FKBP6: variants seen among roughly 807,000 people sequenced by gnomAD.
The protein encoded by FKBP6 is inactive peptidyl-prolyl cis-trans isomerase FKBP6.
FKBP6 carries 29 observed loss-of-function variants against 41.7 expected under a neutral mutation model. The observed-to-expected ratio is 0.70, with a 90% CI of 0.52 to 0.95. FKBP6 has a LOEUF of 0.95. Among genes scored for constraint, FKBP6 ranks in the 40% least tolerant of loss-of-function variants. The pLI is 0.00. For missense variants in FKBP6, 338 were observed against 408.7 expected (o/e 0.83, Z 1.49); for synonymous variants, 130 against 165.1 (o/e 0.79, Z 1.63).
At chr7:73,344,083 C>T (rs181179054) in intron 8 of FKBP6, among the ~76,000 whole-genome samples, 3 of 152,326 alleles carry the variant, frequency 2.0e-5, no homozygotes, top group Admixed American at 6.5e-5. Flanking sequence ...CTTTGGAGTA[C>T]ATATTTGCAG....
intron 8 of FKBP6, among the ~76,000 whole-genome samples, chr7:73,354,873 GCT>G (rs1341649607): frequency 3.3e-5 from 5 of 152,166 alleles, no homozygotes; most frequent in Non-Finnish European, 5.9e-5. Flanking sequence ...TGAGGCTGGG[GCT>G]GCGAGGCAGG....
intron 8 of FKBP6, among the ~76,000 whole-genome samples, chr7:73,349,712 CAAA>C (rs1213747722): frequency 2.9e-4 from 8 of 27,860 alleles, no homozygotes; most frequent in African/African-American, 5.1e-4. Context: ...GACTCCGTCT[CAAA>C]AAAAAAAAAA....
At chr7:73,357,269 GTTTTTTTTTTTT>G (rs11430645) in intron 8 of FKBP6, among the ~76,000 whole-genome samples, 8 of 96,818 alleles carry the variant, frequency 8.3e-5, no homozygotes, top group Non-Finnish European at 1.6e-4. Flanking sequence ...GTTTGGTTTG[GTTTTTTTTTTTT>G]TTTTTTTTTT....
chr7:73,352,823 C>T (rs1163377928), intron 8 of FKBP6, among the ~76,000 whole-genome samples: 4 of 152,228 alleles, frequency 2.6e-5, no homozygotes, highest in African/African-American at 7.2e-5. Context: ...CCACAGCAGT[C>T]ATTGTCAGCA....
At chr7:73,349,897 T>C (rs1351254599) in intron 8 of FKBP6, among the ~76,000 whole-genome samples, 1 of 152,108 alleles carries the variant, frequency 6.6e-6, no homozygotes, top group Non-Finnish European at 1.5e-5. Context: ...TGAAGGTTGC[T>C]TCGGCCCTTC....
At chr7:73,343,942 G>T (rs946995901) in intron 8 of FKBP6, among the ~76,000 whole-genome samples, 1 of 152,170 alleles carries the variant, frequency 6.6e-6, no homozygotes, top group Admixed American at 6.5e-5. Flanking sequence ...ATTCATCCCC[G>T]ACATTTTCAT....
intron 8 of FKBP6, among the ~76,000 whole-genome samples, chr7:73,347,786 A>C (rs1295735723): frequency 5.3e-5 from 8 of 152,160 alleles, no homozygotes; most frequent in Non-Finnish European, 1.2e-4. Flanking sequence ...CTGGGACCAC[A>C]GGCATGTGCC....
rs1554547453 is a variant in FKBP6, at chr7:73,330,294, T to C, written c.410T>C (p.Ile137Thr). The C allele has an allele frequency of 1.2e-6, 2 of 1,614,170 alleles. No homozygotes were observed. Among genetic ancestry groups the C allele is most frequent in the Non-Finnish European group, 1.7e-6 (2 of 1,180,012 alleles). Residue 137 changes from isoleucine (I) to threonine (T), a missense_variant, in exon 4 of 9, where the codon ATT becomes ACT. Ile to Thr is a moderately conservative substitution (Grantham distance 89). Transcript: ENST00000252037. Reference sequence around the variant, plus strand: ...CCAAACACCACTGTCCTGTTTGAGATTGAGCTGCTTGACTTCCTGGACTGT... The same window carrying C: ...CCAAACACCACTGTCCTGTTTGAGACTGAGCTGCTTGACTTCCTGGACTGT... Reference protein sequence around the residue: ...IPPNTTVLFEIELLDFLDCAE... With the variant: ...IPPNTTVLFETELLDFLDCAE...
chr7:73,340,373 C>T (rs939015799), intron 5 of FKBP6, among the ~76,000 whole-genome samples: 4 of 152,142 alleles, frequency 2.6e-5, no homozygotes, highest in East Asian at 1.9e-4. Context: ...AAAAATTAGC[C>T]GGGCATGGTG....
At chr7:73,351,491 C>T (rs1411863836) in intron 8 of FKBP6, among the ~76,000 whole-genome samples, 1 of 152,138 alleles carries the variant, frequency 6.6e-6, no homozygotes, top group African/African-American at 2.4e-5. Flanking sequence ...ACTGTGTGAC[C>T]TGGGCTCTTA....
intron 5 of FKBP6, among the ~76,000 whole-genome samples, chr7:73,334,120 C>A (rs540098590): frequency 2.0e-4 from 30 of 152,166 alleles, no homozygotes; most frequent in East Asian, 1.4e-3. Context: ...ACAACAACAA[C>A]AAAAAAATCT....
intron 8 of FKBP6, among the ~76,000 whole-genome samples, chr7:73,350,991 GT>G: frequency 6.6e-6 from 1 of 152,302 alleles, no homozygotes; most frequent in East Asian, 1.9e-4. Flanking sequence ...ATATCTAGTG[GT>G]GAGTCTCTCA....
At chr7:73,351,651 T>C (rs1805493911) in intron 8 of FKBP6, among the ~76,000 whole-genome samples, 2 of 152,200 alleles carry the variant, frequency 1.3e-5, no homozygotes, top group African/African-American at 4.8e-5. Flanking sequence ...CTGGAAGGGT[T>C]GCTTTGGCCC....
intron 7 of FKBP6, among the ~76,000 whole-genome samples, chr7:73,342,377 AGATGT>A (rs1182819788): frequency 6.6e-6 from 1 of 152,198 alleles, no homozygotes; most frequent in Non-Finnish European, 1.5e-5. Flanking sequence ...TTAGTGTCTG[AGATGT>A]GAGTATCTCT....
At chr7:73,344,479 T>C (rs1249908733) in intron 8 of FKBP6, among the ~76,000 whole-genome samples, 1 of 152,252 alleles carries the variant, frequency 6.6e-6, no homozygotes, top group East Asian at 1.9e-4. Flanking sequence ...GTTTTAGCTT[T>C]TGTGTCTTTG....
At chr7:73,340,116 C>T (rs1476470860) in intron 5 of FKBP6, among the ~76,000 whole-genome samples, 4 of 152,140 alleles carry the variant, frequency 2.6e-5, no homozygotes, top group African/African-American at 9.7e-5. Flanking sequence ...TTTCAGTGTG[C>T]AAGTCTTTCA....
intron 8 of FKBP6, among the ~76,000 whole-genome samples, chr7:73,355,882 CAG>C (rs1347581871): frequency 2.6e-5 from 4 of 151,692 alleles, no homozygotes; most frequent in Non-Finnish European, 5.9e-5. Context: ...CTGGCTAACA[CAG>C]TGAAACTCCG....
At chr7:73,343,672 G>A (rs1805258988) in intron 8 of FKBP6, among the ~76,000 whole-genome samples, 1 of 152,136 alleles carries the variant, frequency 6.6e-6, no homozygotes, top group Admixed American at 6.6e-5. Context: ...GCACAGGGCG[G>A]GAGTTCCCAA....
intron 8 of FKBP6, among the ~76,000 whole-genome samples, chr7:73,353,924 G>A (rs1302966065): frequency 1.3e-5 from 2 of 152,072 alleles, no homozygotes; most frequent in African/African-American, 4.8e-5. Flanking sequence ...TAGTAGAGAC[G>A]AGGTTTTACC....
Sources: gnomAD v4.1 joint callset for allele counts (sites outside exome capture counted in the v4.1 genomes callset) on GRCh38, gnomAD v4.1.1 for gene constraint, MANE v1.5 for transcripts, NCBI Gene and HGNC (gene_info 2026-07-23, HGNC 2026-07-21) for gene names.